Variants in RAI2 observed in about 807,000 individuals in gnomAD.
RAI2 encodes the protein retinoic acid induced 2, also known as retinoic acid-induced protein 2.
A neutral mutation model predicts 15.3 loss-of-function variants in RAI2; 5 were observed. The ratio of observed to expected loss-of-function variants is 0.33; its 90% confidence interval spans 0.17 to 0.69. RAI2 has a LOEUF of 0.69. RAI2 is among the 30% of genes least tolerant of loss of function. The pLI, the probability that RAI2 is intolerant of heterozygous loss-of-function variation, is 0.69. For missense variants in RAI2, 424 were observed against 424.7 expected, an observed-to-expected ratio of 1.00 and a Z score of 0.01; for synonymous variants, 191 against 184.0, an observed-to-expected ratio of 1.04 and a Z score of -0.31.
At chrX:17,850,956 C>T (rs932557663) in intron 1 of RAI2, among the ~76,000 whole-genome samples, 3 of 112,880 alleles carry the variant, frequency 2.7e-5, no homozygotes, top group Admixed American at 1.9e-4. Flanking sequence ...TCTTCCACTT[C>T]ACTGTGAGGG....
In RAI2 at chrX:17,854,246, T is replaced by C. The variant is rs768844660; in HGVS notation, c.-25+6852A>G. On this transcript the variant is annotated intron_variant, in intron 1 of 1. Transcript: ENST00000451717. ...CTCAAAACTAGGATGATGAATCACATACTTTGGCCCCATTGTGCCAATTAA... is the reference window on the plus strand; with the variant it reads ...CTCAAAACTAGGATGATGAATCACACACTTTGGCCCCATTGTGCCAATTAA... Among the ~76,000 whole-genome samples, 26 of 112,181 alleles carry C rather than the reference T, an allele frequency of 2.3e-4. 1 individual carries two copies. The highest frequency in any genetic ancestry group is 1.9e-4 in the Admixed American group (2 of 10,597).
intron 1 of RAI2, among the ~76,000 whole-genome samples, chrX:17,805,259 A>G (rs1296988434): frequency 1.8e-5 from 2 of 113,095 alleles, no homozygotes; most frequent in Non-Finnish European, 3.7e-5. Flanking sequence ...CTGCAGAGGC[A>G]TGCAGGAAAC....
At chrX:17,855,388 G>A (rs925625907) in intron 1 of RAI2, among the ~76,000 whole-genome samples, 2 of 111,613 alleles carry the variant, frequency 1.8e-5, no homozygotes, top group African/African-American at 6.5e-5. Flanking sequence ...CAAGGACACC[G>A]GCCTGTGGGG....
chrX:17,840,179 C>G (rs2067381591), intron 1 of RAI2, among the ~76,000 whole-genome samples: 1 of 112,072 alleles, frequency 8.9e-6, no homozygotes, highest in African/African-American at 3.2e-5. Flanking sequence ...GCCCTTCACC[C>G]ATTCTTTTTA....
chrX:17,855,004 C>A (rs372128275), intron 1 of RAI2, among the ~76,000 whole-genome samples: 1 of 111,501 alleles, frequency 9.0e-6, no homozygotes, highest in African/African-American at 3.3e-5. Flanking sequence ...TAGGGAAGGA[C>A]CCAGAAATGA....
chrX:17,822,449 C>T (rs1159923226), intron 1 of RAI2, among the ~76,000 whole-genome samples: 3 of 111,850 alleles, frequency 2.7e-5, no homozygotes, highest in Non-Finnish European at 3.8e-5. Flanking sequence ...CAGCTAATCC[C>T]TTCCTTCCAG....
chrX:17,842,652 T>C (rs189142745), intron 1 of RAI2, among the ~76,000 whole-genome samples: 960 of 80,258 alleles, frequency 0.012, 12 homozygotes, highest in African/African-American at 0.045. Flanking sequence ...AATATATGTA[T>C]AGGAAAAAAA....
At chrX:17,855,208 T>C (rs1419267397) in intron 1 of RAI2, among the ~76,000 whole-genome samples, 1 of 111,990 alleles carries the variant, frequency 8.9e-6, no homozygotes, top group East Asian at 2.8e-4. Context: ...GAAATGACAG[T>C]GTGCATTCTC....
intron 1 of RAI2, among the ~76,000 whole-genome samples, chrX:17,844,485 G>A (rs2067434460): frequency 8.9e-6 from 1 of 112,890 alleles, no homozygotes; most frequent in Non-Finnish European, 1.9e-5. Context: ...TTACTGGCTT[G>A]CAGCCTGGGC....
chrX:17,817,123 G>A (rs902302415), intron 1 of RAI2, among the ~76,000 whole-genome samples: 1 of 111,344 alleles, frequency 9.0e-6, no homozygotes, highest in South Asian at 3.8e-4. Context: ...TTTGAGCCAC[G>A]GTACTCTTGC....
chrX:17,828,953 AT>A (rs2067254516), intron 1 of RAI2, among the ~76,000 whole-genome samples: 1 of 111,589 alleles, frequency 9.0e-6, no homozygotes, highest in African/African-American at 3.3e-5. Flanking sequence ...GCCTTATCAA[AT>A]TTTTGTTTGT....
chrX:17,807,930 T>C (rs567356700), intron 1 of RAI2, among the ~76,000 whole-genome samples: 2 of 112,255 alleles, frequency 1.8e-5, no homozygotes, highest in East Asian at 5.6e-4. Flanking sequence ...TTGGTTTCTA[T>C]GGAGCATGGA....
At chrX:17,846,632 G>A (rs1292225461) in intron 1 of RAI2, among the ~76,000 whole-genome samples, 1 of 111,286 alleles carries the variant, frequency 9.0e-6, no homozygotes, top group East Asian at 2.8e-4. Context: ...AGAACTGAGG[G>A]CTCAGAATAG....
Position 17,826,706 on chromosome X carries a change from G to C in RAI2, c.-24-24672C>G, listed in dbSNP as rs113949055. On this transcript the variant is annotated intron_variant, in intron 1 of 1. Coordinates refer to ENST00000451717, the MANE Select transcript of RAI2 (RefSeq NM_021785.6). Reference sequence around the variant, plus strand: ...TGTAATCCCCACATGTCAAGGGAGGGACCTGGTGGGAAGTGCTTGGGTCAC... The same window carrying C: ...TGTAATCCCCACATGTCAAGGGAGGCACCTGGTGGGAAGTGCTTGGGTCAC... Among the ~76,000 whole-genome samples the C allele has an allele frequency of 9.4e-3, 1,055 of 111,860 alleles. 12 individuals are homozygous for C. Among genetic ancestry groups the C allele is most frequent in the African/African-American group, 0.031 (967 of 30,704 alleles).
In RAI2 at chrX:17,801,773, G is replaced by T; in HGVS notation, c.238C>A (p.Pro80Thr). 8.3e-7 allele frequency: 1 copy of T among 1,212,120 alleles called. No homozygotes were observed. The highest frequency in any genetic ancestry group is 1.1e-6 in the Non-Finnish European group (1 of 895,609). The change falls in exon 2 of 2, where the codon CCC becomes ACC. Residue 80 changes from proline (P) to threonine (T), a missense_variant. Coordinates refer to ENST00000451717, the MANE Select transcript of RAI2 (RefSeq NM_021785.6). ...ALKVAATVLQ[P>T]LCLGESPVVM... ...ACTGGGCTCTCCCCGAGGCACAGGG[G>T]CTGCAACACAGTGGCCGCCACCTTC...
chrX:17,855,458 T>C (rs1457310733), intron 1 of RAI2, among the ~76,000 whole-genome samples: 1 of 112,038 alleles, frequency 8.9e-6, no homozygotes, highest in Admixed American at 9.4e-5. Flanking sequence ...CCTGTGCCCA[T>C]TCTATTGGGT....
chrX:17,830,804 G>C (rs1400664666), intron 1 of RAI2, among the ~76,000 whole-genome samples: 1 of 111,348 alleles, frequency 9.0e-6, no homozygotes, highest in African/African-American at 3.3e-5. Flanking sequence ...CATAATAGTT[G>C]GGAACCTCCA....
intron 1 of RAI2, among the ~76,000 whole-genome samples, chrX:17,823,107 G>A (rs984980352): frequency 5.3e-5 from 6 of 112,533 alleles, no homozygotes; most frequent in African/African-American, 1.3e-4. Context: ...CCACTGACTG[G>A]CTGTGTGAAC....
rs1345602591 is a variant in RAI2 at position 17,823,883 on chromosome X, A to G, written c.-24-21849T>C. ...TCCCAAGTCTGGATCCCCGTTCACC[A>G]CTACGTAAATGGATAGCTTATCCTG... On this transcript the variant is annotated intron_variant, in intron 1 of 1. Coordinates refer to ENST00000451717, the MANE Select transcript of RAI2 (RefSeq NM_021785.6). Among the ~76,000 whole-genome samples the G allele has an allele frequency of 5.4e-5, 6 of 111,480 alleles. 1 individual carries two copies. In the Admixed American group the frequency reaches 5.7e-4, roughly 11 times the overall value.
Sources: gnomAD v4.1 joint callset for allele counts (sites outside exome capture counted in the v4.1 genomes callset) on GRCh38, gnomAD v4.1.1 for gene constraint, MANE v1.5 for transcripts, NCBI Gene and HGNC (gene_info 2026-07-23, HGNC 2026-07-21) for gene names.